Variants in NELL1 observed in about 807,000 individuals in gnomAD.
NELL1 encodes neural EGFL like 1, also known as protein kinase C-binding protein NELL1.
In NELL1, 76 loss-of-function variants were observed where a neutral mutation model predicts 107.4. The observed-to-expected ratio is 0.71, with a 90% CI of 0.59 to 0.86. The LOEUF (loss-of-function observed/expected upper bound fraction) is 0.86, where lower values mean the gene tolerates loss of function less well. NELL1 is among the 40% of genes least tolerant of loss of function. The pLI is 0.00. For synonymous variants in NELL1, 353 were observed against 341.2 expected, an observed-to-expected ratio of 1.03 and a Z score of -0.38; for missense variants, 1,024 against 1,005.5, an observed-to-expected ratio of 1.02 and a Z score of -0.25.
chr11:20,718,492 A>C (rs1441320923), intron 2 of NELL1, among the ~76,000 whole-genome samples: 1 of 152,036 alleles, frequency 6.6e-6, no homozygotes, highest in Non-Finnish European at 1.5e-5. Context: ...AATAGATTAA[A>C]ATATTTTTTC....
intron 13 of NELL1, among the ~76,000 whole-genome samples, chr11:21,171,310 A>T (rs1450612434): frequency 3.3e-5 from 5 of 151,856 alleles, no homozygotes; most frequent in African/African-American, 1.2e-4. Flanking sequence ...ACACACACAC[A>T]TACACACACA....
chr11:21,113,990 G>A (rs974307474), intron 13 of NELL1, among the ~76,000 whole-genome samples: 8 of 152,026 alleles, frequency 5.3e-5, no homozygotes, highest in African/African-American at 1.9e-4. Context: ...TAACACTGAG[G>A]GAGTTAGATA....
intron 3 of NELL1, among the ~76,000 whole-genome samples, chr11:20,816,129 C>T (rs1460737847): frequency 1.3e-5 from 2 of 152,064 alleles, no homozygotes; most frequent in African/African-American, 2.4e-5. Flanking sequence ...ATTGTTTTGG[C>T]TATTTGGGCC....
intron 7 of NELL1, among the ~76,000 whole-genome samples, chr11:20,924,501 A>T (rs570081431): frequency 2.6e-5 from 4 of 152,196 alleles, no homozygotes; most frequent in African/African-American, 9.6e-5. Context: ...TGAGTTTTGT[A>T]GGTGAGCACA....
At chr11:20,784,607 A>T (rs1220002520) in intron 3 of NELL1, among the ~76,000 whole-genome samples, 1 of 152,224 alleles carries the variant, frequency 6.6e-6, no homozygotes, top group African/African-American at 2.4e-5. Context: ...ATGCCATGTT[A>T]AAAACTTGTA....
At chr11:21,081,887 G>A (rs1012967992) in intron 12 of NELL1, among the ~76,000 whole-genome samples, 3 of 152,126 alleles carry the variant, frequency 2.0e-5, no homozygotes, top group Non-Finnish European at 4.4e-5. Context: ...ATGATCTTAT[G>A]AGACAGGAAC....
chr11:21,512,771 G>T (rs1855469987), intron 15 of NELL1, among the ~76,000 whole-genome samples: 1 of 151,654 alleles, frequency 6.6e-6, no homozygotes, highest in South Asian at 2.1e-4. Context: ...TCTATAAAAT[G>T]CCATCCCAAA....
intron 15 of NELL1, among the ~76,000 whole-genome samples, chr11:21,376,700 T>C (rs1261657578): frequency 1.3e-5 from 2 of 152,094 alleles, no homozygotes; most frequent in African/African-American, 4.8e-5. Flanking sequence ...TGTTTTTCCA[T>C]TTGTTTGTGT....
intron 12 of NELL1, among the ~76,000 whole-genome samples, chr11:20,999,171 T>C (rs1486457644): frequency 6.6e-6 from 1 of 152,174 alleles, no homozygotes; most frequent in African/African-American, 2.4e-5. Context: ...TGTAAGACTC[T>C]CAGAAACCCT....
At chr11:21,561,712 C>T (rs1244197803) in intron 17 of NELL1, among the ~76,000 whole-genome samples, 3 of 152,044 alleles carry the variant, frequency 2.0e-5, no homozygotes, top group Non-Finnish European at 2.9e-5. Flanking sequence ...GGTAATCTAA[C>T]TTGACTGAGC....
intron 13 of NELL1, among the ~76,000 whole-genome samples, chr11:21,197,202 CTT>C (rs143247393): frequency 3.2e-4 from 47 of 144,828 alleles, no homozygotes; most frequent in Admixed American, 6.9e-4. Flanking sequence ...TTAAGCCAGT[CTT>C]TTTTTTTTTT....
intron 12 of NELL1, among the ~76,000 whole-genome samples, chr11:20,978,024 C>G (rs1413519744): frequency 1.3e-5 from 2 of 152,192 alleles, no homozygotes; most frequent in Non-Finnish European, 2.9e-5. Flanking sequence ...TATTTCTCAT[C>G]TTTGTAAGAG....
At chr11:20,893,387 TAAAA>T (rs1022434139) in intron 5 of NELL1, among the ~76,000 whole-genome samples, 6 of 147,726 alleles carry the variant, frequency 4.1e-5, no homozygotes, top group African/African-American at 1.5e-4. Context: ...TTTTAATAAA[TAAAA>T]AAATAATTAA....
At chr11:20,803,212 G>A (rs1337626042) in intron 3 of NELL1, among the ~76,000 whole-genome samples, 1 of 152,038 alleles carries the variant, frequency 6.6e-6, no homozygotes, top group Admixed American at 6.5e-5. Flanking sequence ...TCTCTGCTGG[G>A]AGATTTTTCA....
intron 12 of NELL1, among the ~76,000 whole-genome samples, chr11:21,050,507 T>C (rs1392901085): frequency 6.6e-6 from 1 of 152,162 alleles, no homozygotes; most frequent in Non-Finnish European, 1.5e-5. Context: ...AATTAAAATA[T>C]ACAGTGTTAT....
chr11:21,480,166 G>T (rs368827100), intron 15 of NELL1, among the ~76,000 whole-genome samples: 4 of 152,164 alleles, frequency 2.6e-5, no homozygotes, highest in Non-Finnish European at 5.9e-5. Context: ...TACAGGAAAT[G>T]TCTAATGATT....
At chr11:21,568,570 A>G (rs1245936151) in intron 17 of NELL1, among the ~76,000 whole-genome samples, 2 of 151,888 alleles carry the variant, frequency 1.3e-5, no homozygotes, top group African/African-American at 2.4e-5. Context: ...ACACAAACAC[A>G]TTGTACAGCA....
chr11:21,051,654 AT>A (rs1203371737), intron 12 of NELL1, among the ~76,000 whole-genome samples: 1 of 152,116 alleles, frequency 6.6e-6, no homozygotes, highest in African/African-American at 2.4e-5. Context: ...GACACTTTTC[AT>A]TTGTAGATTC....
Position 20,718,737 on chromosome 11 carries a change from C to T in NELL1, c.184+40677C>T, listed in dbSNP as rs147261297. ...ATCTTCGTTAGTCTGGATTCTAGAA[C>T]TTAAGGCTCTAGAACTCAGCCCCAG... On this transcript the variant is annotated intron_variant, in intron 2 of 19. Coordinates refer to ENST00000357134, the MANE Select transcript of NELL1 (RefSeq NM_006157.5). Among the ~76,000 whole-genome samples the T allele has an allele frequency of 6.1e-3, 932 of 152,266 alleles. 6 individuals are homozygous for T. Among genetic ancestry groups the T allele is most frequent in the African/African-American group, 0.021 (893 of 41,542 alleles).
Sources: allele counts gnomAD v4.1 joint callset (sites outside exome capture counted in the v4.1 genomes callset), GRCh38; gene constraint gnomAD v4.1.1; transcripts MANE v1.5; gene names NCBI Gene and HGNC (gene_info 2026-07-23, HGNC 2026-07-21).